The following UBQLN1 variants were observed in gnomAD, a reference collection of about 807,000 sequenced individuals.
The protein encoded by UBQLN1 is ubiquilin-1.
In UBQLN1, 13 loss-of-function variants were observed where a neutral mutation model predicts 65.4. The observed-to-expected ratio is 0.20, with a 90% confidence interval of 0.13 to 0.32. The LOEUF is 0.32. Among genes scored for constraint, UBQLN1 ranks in the 10% least tolerant of loss-of-function variants. UBQLN1 has a pLI of 1.00. For synonymous variants in UBQLN1, 267 were observed against 247.8 expected (o/e 1.08, Z -0.73); for missense variants, 561 against 724.0 (o/e 0.77, Z 2.58).
intron 6 of UBQLN1, among the ~76,000 whole-genome samples, chr9:83,672,001 C>T (rs1831740456): frequency 6.6e-6 from 1 of 152,236 alleles, no homozygotes. Context: ...CACCTGCTAC[C>T]TCACCTTGTA....
chr9:83,663,029 T>G (rs1040922228), intron 10 of UBQLN1, among the ~76,000 whole-genome samples: 2 of 148,480 alleles, frequency 1.3e-5, no homozygotes, highest in African/African-American at 5.0e-5. Context: ...TGAGCTGTGA[T>G]TGCATCCAGC....
Position 83,665,023 on chromosome 9 carries a change from A to C in UBQLN1, c.1448+7T>G, listed in dbSNP as rs755072549. 2.1e-5 allele frequency: 34 copies of C among 1,594,012 alleles called. No individual in the cohort carries two copies. In the South Asian group the frequency reaches 3.6e-4, roughly 17 times the overall value. ...ACACTTTCATTATCTTCCCCAAATA[A>C]GCCTACCCTGGGATGAGGCCCGGGG... On this transcript the variant is annotated splice_region_variant and intron_variant, in intron 9 of 10. Coordinates refer to ENST00000376395, the MANE Select transcript of UBQLN1 (RefSeq NM_013438.5).
intron 1 of UBQLN1, among the ~76,000 whole-genome samples, chr9:83,703,218 G>A (rs1292944907): frequency 1.3e-5 from 2 of 150,458 alleles, no homozygotes; most frequent in Non-Finnish European, 3.0e-5. Flanking sequence ...TTATGCTTTT[G>A]TATCTATTTA....
chr9:83,667,858 A>G (rs879646941), intron 7 of UBQLN1: 55 of 974,154 alleles, frequency 5.6e-5, no homozygotes, highest in Admixed American at 6.2e-5. Flanking sequence ...GAACATTGTA[A>G]AAGTTTCTAA....
At chr9:83,662,770 A>G (rs1831581152) in intron 10 of UBQLN1, among the ~76,000 whole-genome samples, 2 of 152,236 alleles carry the variant, frequency 1.3e-5, no homozygotes, top group African/African-American at 4.8e-5. Flanking sequence ...CCTATTTATT[A>G]TATTTAGTAA....
At chr9:83,665,620 G>A (rs1159487327) in intron 8 of UBQLN1, among the ~76,000 whole-genome samples, 1 of 152,142 alleles carries the variant, frequency 6.6e-6, no homozygotes, top group Non-Finnish European at 1.5e-5. Context: ...CCTGAGTTTA[G>A]CTTTACTACT....
At chr9:83,670,977 T>G (rs749038616) in intron 6 of UBQLN1, among the ~76,000 whole-genome samples, 1 of 152,148 alleles carries the variant, frequency 6.6e-6, no homozygotes, top group African/African-American at 2.4e-5. Context: ...TCTTTTTAAA[T>G]TGAGATGGAG....
At chr9:83,667,407 A>T in intron 7 of UBQLN1, 1 of 715,876 alleles carries the variant, frequency 1.4e-6, no homozygotes, top group Non-Finnish European at 1.7e-6. Context: ...AACCGTATTT[A>T]AGAGCAATGT....
chr9:83,675,757 C>T (rs933857965), intron 6 of UBQLN1, among the ~76,000 whole-genome samples: 1 of 152,098 alleles, frequency 6.6e-6, no homozygotes, highest in African/African-American at 2.4e-5. Context: ...GGAATGAGTA[C>T]GTATTTTGAA....
chr9:83,666,383 T>C lies in UBQLN1; in HGVS notation c.1299A>G (p.Gln433=), dbSNP rs754786533. The C allele has an allele frequency of 6.2e-7, 1 of 1,613,968 alleles. No homozygotes were observed. Residue 433 remains glutamine, a synonymous_variant, in exon 8 of 11, where the codon CAA becomes CAG. Transcript: ENST00000376395. ...GGAAAGTTGGGAGCTGTTGTCTCAT[T>C]TGTTCTTGAAGCTGAGGATTTCCAG... ...LFAGNPQLQE[Q]MRQQLPTFLQ... is the part of the protein sequence containing the mutation.
chr9:83,673,469 TG>T (rs1466859062), intron 6 of UBQLN1, among the ~76,000 whole-genome samples: 1 of 138,512 alleles, frequency 7.2e-6, no homozygotes, highest in East Asian at 2.2e-4. Context: ...CTCTAGAACC[TG>T]GGAGGCAGAG....
intron 7 of UBQLN1, chr9:83,667,782 A>G: frequency 1.0e-6 from 1 of 972,826 alleles, no homozygotes; most frequent in South Asian, 4.8e-5. Context: ...TACACTCAAG[A>G]GTCTTTTTAA....
At chr9:83,678,338 T>C (rs979751720) in intron 5 of UBQLN1, 103 bp downstream of exon 5, 9 of 1,422,174 alleles carry the variant, frequency 6.3e-6, no homozygotes, top group Admixed American at 2.4e-5. Flanking sequence ...TTTTTAAAAA[T>C]TGAAAACCAC....
intron 1 of UBQLN1, among the ~76,000 whole-genome samples, chr9:83,690,699 A>C (rs1832112659): frequency 6.6e-6 from 1 of 151,386 alleles, no homozygotes. Flanking sequence ...GTGCCACTGC[A>C]CTCCAGCTTG....
Position 83,678,584 on chromosome 9 carries a change from T to G in UBQLN1, c.727A>C (p.Arg243=). 6.2e-7 allele frequency: 1 copy of G among 1,606,570 alleles called. No individual in the cohort carries two copies. Among genetic ancestry groups the G allele is most frequent in the South Asian group, 1.1e-5 (1 of 88,698 alleles). The change falls in exon 5 of 11, where the codon AGG becomes CGG. Residue 243 remains arginine (R), a synonymous_variant. Coordinates refer to ENST00000376395, the MANE Select transcript of UBQLN1 (RefSeq NM_013438.5). ...DIMRQTLELA[R]NPAMMQEMMR... Reference sequence around the variant, plus strand: ...ATCTCCTGCATCATTGCTGGATTCCTGGCAAGTTCCAACGTCTACGAAAAA... The same window carrying G: ...ATCTCCTGCATCATTGCTGGATTCCGGGCAAGTTCCAACGTCTACGAAAAA...
rs926541509 is a variant in UBQLN1, at chr9:83,704,030, T to G, written c.180+3470A>C. Among the ~76,000 whole-genome samples, 4 of 152,300 alleles carry G rather than the reference T, an allele frequency of 2.6e-5. No individual in the cohort carries two copies. The South Asian group carries it at 6.2e-4, about 24-fold the overall frequency. On this transcript the variant is annotated intron_variant, in intron 1 of 10. Transcript: ENST00000376395. ...ACATAGAAATACTTATTGAAAGAAA[T>G]TTTAACTTATAGAAAACGGAATTTG...
At chr9:83,705,322 C>T (rs1832383155) in intron 1 of UBQLN1, among the ~76,000 whole-genome samples, 1 of 148,714 alleles carries the variant, frequency 6.7e-6, no homozygotes, top group Non-Finnish European at 1.5e-5. Flanking sequence ...CTCACTGTAA[C>T]CTCCCTCTCC....
rs554047632 is a variant in UBQLN1, at chr9:83,682,636, T to C, written c.448+315A>G. 9.3e-4 allele frequency among the ~76,000 whole-genome samples: 142 copies of C among 152,198 alleles called. 2 individuals are homozygous for C. The highest frequency in any genetic ancestry group is 6.5e-4 in the Admixed American group (10 of 15,294). The stretch of plus-strand genomic sequence containing the variant: ...CCCTTCCTTTTACAAATGAAAAAAT[T>C]ATTATTCAGGGACGCTGGCTTACGA... On this transcript the variant is annotated intron_variant, in intron 3 of 10. Coordinates refer to ENST00000376395, the MANE Select transcript of UBQLN1 (RefSeq NM_013438.5).
At chr9:83,696,184 T>C (rs943988835) in intron 1 of UBQLN1, among the ~76,000 whole-genome samples, 5 of 152,232 alleles carry the variant, frequency 3.3e-5, no homozygotes, top group Non-Finnish European at 5.9e-5. Flanking sequence ...ATAATCCGCC[T>C]GCCATCATGA....
Sources: gnomAD v4.1 joint callset for allele counts (sites outside exome capture counted in the v4.1 genomes callset) on GRCh38, gnomAD v4.1.1 for gene constraint, MANE v1.5 for transcripts, NCBI Gene and HGNC (gene_info 2026-07-23, HGNC 2026-07-21) for gene names.